Variants in PECR observed in about 807,000 individuals in gnomAD.
PECR encodes peroxisomal trans-2-enoyl-CoA reductase.
A neutral mutation model predicts 35.3 loss-of-function variants in PECR; 30 were observed. That is an observed-to-expected ratio of 0.85 (90% CI 0.64 to 1.15). The LOEUF is 1.15. Ranked by LOEUF, PECR falls within the 50% of genes most tolerant of loss-of-function variation. The pLI, the probability that PECR is intolerant of heterozygous loss-of-function variation, is 0.00. For synonymous variants in PECR, 148 were observed against 138.9 expected (o/e 1.07, Z -0.46); for missense variants, 392 against 370.8 (o/e 1.06, Z -0.47).
chr2:216,040,146 G>C (rs1415233781), intron 7 of PECR, among the ~76,000 whole-genome samples: 3 of 152,180 alleles, frequency 2.0e-5, no homozygotes, highest in Admixed American at 2.0e-4. Context: ...GATGAGATCA[G>C]TGAGCTACTA....
At chr2:216,030,497 C>T (rs1465870356) in intron 7 of PECR, among the ~76,000 whole-genome samples, 1 of 152,112 alleles carries the variant, frequency 6.6e-6, no homozygotes, top group Non-Finnish European at 1.5e-5. Context: ...CAGTGTCAGG[C>T]ATATAGTAAT....
intron 4 of PECR, among the ~76,000 whole-genome samples, chr2:216,051,838 C>T (rs1695122915): frequency 6.6e-6 from 1 of 152,154 alleles, no homozygotes; most frequent in South Asian, 2.1e-4. Context: ...CAAAGGAAAA[C>T]ACATTGGTAA....
intron 7 of PECR, among the ~76,000 whole-genome samples, chr2:216,031,668 A>C (rs1024154563): frequency 3.9e-4 from 31 of 79,560 alleles, no homozygotes; most frequent in African/African-American, 1.8e-3. Flanking sequence ...AGAAAGAAAG[A>C]AAGAAAGAAA....
intron 1 of PECR, 89 bp from the exon 2 acceptor site, chr2:216,066,607 CAAAT>C: frequency 8.6e-7 from 1 of 1,158,494 alleles, no homozygotes; most frequent in Admixed American, 1.7e-5. Context: ...CGCCAGGGAA[CAAAT>C]AAATATGCCT....
chr2:216,053,144 A>G (rs949287367), intron 4 of PECR, among the ~76,000 whole-genome samples: 1 of 151,698 alleles, frequency 6.6e-6, no homozygotes, highest in African/African-American at 2.4e-5. Context: ...ATGATCCAGC[A>G]CACCCAGCCT....
intron 4 of PECR, among the ~76,000 whole-genome samples, chr2:216,057,523 G>C (rs1695254701): frequency 1.3e-5 from 2 of 152,168 alleles, no homozygotes; most frequent in Admixed American, 6.5e-5. Flanking sequence ...CTAGTTGCCT[G>C]TGAGGATGGG....
chr2:216,031,369 T>C (rs930040739), intron 7 of PECR, among the ~76,000 whole-genome samples: 3 of 146,702 alleles, frequency 2.0e-5, no homozygotes, highest in African/African-American at 7.6e-5. Context: ...ATTGTACCAC[T>C]GCACTGCAGC....
intron 3 of PECR, chr2:216,063,773 A>G (rs892297236): frequency 6.6e-5 from 10 of 152,102 alleles, no homozygotes; most frequent in African/African-American, 2.4e-4. Context: ...GCTCAAGTAC[A>G]GTGGCACGAT....
At chr2:216,052,956 T>A (rs1360650589) in intron 4 of PECR, among the ~76,000 whole-genome samples, 2 of 148,978 alleles carry the variant, frequency 1.3e-5, no homozygotes, top group Admixed American at 6.7e-5. Flanking sequence ...TGGGTTCAAG[T>A]GATTCTCCTG....
chr2:216,055,545 C>G (rs1389285323), intron 4 of PECR, among the ~76,000 whole-genome samples: 2 of 151,450 alleles, frequency 1.3e-5, no homozygotes, highest in African/African-American at 2.5e-5. Context: ...CTAGATAATG[C>G]TCCCCCAAAC....
chr2:216,050,462 CAA>C (rs1022515266), intron 5 of PECR, among the ~76,000 whole-genome samples: 1 of 151,924 alleles, frequency 6.6e-6, no homozygotes, highest in African/African-American at 2.4e-5. Context: ...ATCATTTAAC[CAA>C]AAAAGTCTCT....
At chr2:216,060,246 T>C (rs1350441360) in intron 3 of PECR, among the ~76,000 whole-genome samples, 1 of 152,176 alleles carries the variant, frequency 6.6e-6, no homozygotes, top group East Asian at 1.9e-4. Context: ...ACACACACCT[T>C]CCGCTTCTGG....
Position 216,065,479 on chromosome 2 carries a change from TA to T in PECR, c.259-3del. ...GGTAGATTTGACCAAATTATTCACCTAAAGAAGAACAGTAGAAGTTACTAAA... is the reference window on the plus strand; with the variant it reads ...GGTAGATTTGACCAAATTATTCACCTAAGAAGAACAGTAGAAGTTACTAAA... On this transcript the variant is annotated splice_region_variant and splice_polypyrimidine_tract_variant and intron_variant, in intron 2 of 7. Transcript: ENST00000265322. 6.3e-7 allele frequency: 1 copy of T among 1,575,058 alleles called. No homozygotes were observed. The highest frequency in any genetic ancestry group is 8.7e-7 in the Non-Finnish European group (1 of 1,144,412).
downstream of PECR, among the ~76,000 whole-genome samples, chr2:216,038,033 C>CGAGATTATG (rs1016086325): frequency 1.7e-5 from 1 of 58,898 alleles, no homozygotes; most frequent in African/African-American, 6.6e-5. Flanking sequence ...TGTGGTGAGC[C>CGAGATTATG]GAGATTATGC....
intron 7 of PECR, 99 bp downstream of exon 7, chr2:216,043,805 G>A (rs921671647): frequency 2.8e-6 from 2 of 709,038 alleles, no homozygotes; most frequent in Admixed American, 4.0e-5. Context: ...TTCTATAAGA[G>A]AGCACCCTCA....
At chr2:216,065,853 G>A (rs749589464) in intron 2 of PECR, among the ~76,000 whole-genome samples, 11 of 152,210 alleles carry the variant, frequency 7.2e-5, no homozygotes, top group African/African-American at 2.4e-4. Context: ...GGCAAGGCAC[G>A]GTGGCTCACA....
Position 216,038,954 on chromosome 2 carries a change from T to C in PECR, c.*321A>G. 2 of 284,606 alleles carry C rather than the reference T, an allele frequency of 7.0e-6. No individual in the cohort carries two copies. Among genetic ancestry groups the C allele is most frequent in the Non-Finnish European group, 1.4e-5 (2 of 146,586 alleles). The allele number at this position is 284,606 out of a possible 1,614,324, so 17.6% of individuals were successfully genotyped here. A position where few individuals can be genotyped will look rare whatever the true frequency, so the allele number is the denominator to read the frequency against. Reference sequence around the variant, plus strand: ...CCTTTACAATTAAATAATAAAATCTTCTGGGAGTTCATGATCCCTAGAATT... The same window carrying C: ...CCTTTACAATTAAATAATAAAATCTCCTGGGAGTTCATGATCCCTAGAATT... On this transcript the variant is annotated 3_prime_UTR_variant, in exon 8 of 8. Coordinates refer to ENST00000265322, the MANE Select transcript of PECR (RefSeq NM_018441.6).
At chr2:216,061,311 CAAAAAAAAAAAA>C (rs56791924) in intron 3 of PECR, among the ~76,000 whole-genome samples, 8 of 44,932 alleles carry the variant, frequency 1.8e-4, no homozygotes, top group African/African-American at 2.8e-4. Flanking sequence ...AACCCTGTCT[CAAAAAAAAAAAA>C]AAAAAAAAAA....
chr2:216,054,336 T>C (rs1695182114), intron 4 of PECR, among the ~76,000 whole-genome samples: 1 of 147,978 alleles, frequency 6.8e-6, no homozygotes, highest in South Asian at 2.1e-4. Context: ...ACTGAGATAG[T>C]AGGTTAAATA....
Sources: allele counts gnomAD v4.1 joint callset (sites outside exome capture counted in the v4.1 genomes callset), GRCh38; gene constraint gnomAD v4.1.1; transcripts MANE v1.5; gene names NCBI Gene and HGNC (gene_info 2026-07-23, HGNC 2026-07-21).